The following CDH13 variants were observed in gnomAD, a reference collection of about 807,000 sequenced individuals.
CDH13 encodes cadherin-13.
CDH13 carries 24 observed loss-of-function variants against 63.8 expected under a neutral mutation model. The ratio of observed to expected loss-of-function variants is 0.38; its 90% CI spans 0.27 to 0.53. The LOEUF (loss-of-function observed/expected upper bound fraction) is 0.53. Ranked by LOEUF, CDH13 falls within the 20% of genes least tolerant of loss-of-function variation. The pLI is 0.85. For missense variants in CDH13, 1,049 were observed against 903.1 expected, an observed-to-expected ratio of 1.16 and a Z score of -2.07; for synonymous variants, 503 against 355.3, an observed-to-expected ratio of 1.42 and a Z score of -4.67.
intron 3 of CDH13, among the ~76,000 whole-genome samples, chr16:83,092,408 G>A (rs2033962056): frequency 6.6e-6 from 1 of 152,204 alleles, no homozygotes. Context: ...CATGAGGCAA[G>A]GTCTTAGATG....
rs147613537 is a variant in CDH13, at chr16:83,212,785, T to C, written c.484-4560T>C. ...TGTTAAAGCTCAGATTGCCAGCAAT[T>C]CTCCCCCTACCCTGATTTCTGATAC... On this transcript the variant is annotated intron_variant, in intron 4 of 13. Transcript: ENST00000567109. 5.0e-3 allele frequency among the ~76,000 whole-genome samples: 761 copies of C among 152,194 alleles called. 8 individuals are homozygous for C. The highest frequency in any genetic ancestry group is 0.017 in the African/African-American group (716 of 41,510).
intron 7 of CDH13, among the ~76,000 whole-genome samples, chr16:83,519,704 T>A (rs1272042620): frequency 1.3e-5 from 2 of 152,094 alleles, no homozygotes; most frequent in Non-Finnish European, 2.9e-5. Context: ...CAAGAGATAA[T>A]GAAGGATGCT....
intron 7 of CDH13, among the ~76,000 whole-genome samples, chr16:83,541,473 T>G (rs1386678240): frequency 1.3e-5 from 2 of 152,204 alleles, no homozygotes; most frequent in Non-Finnish European, 2.9e-5. Flanking sequence ...CTCTGTTTGT[T>G]TTCACTCTTG....
At chr16:83,382,956 C>G (rs77598669) in intron 6 of CDH13, 3 of 152,184 alleles carry the variant, frequency 2.0e-5, no homozygotes, top group Non-Finnish European at 4.4e-5. Flanking sequence ...GTGCAGTGTG[C>G]AAGACAGACC....
chr16:82,751,560 A>C (rs1409011873), intron 1 of CDH13, among the ~76,000 whole-genome samples: 1 of 152,124 alleles, frequency 6.6e-6, no homozygotes, highest in African/African-American at 2.4e-5. Flanking sequence ...CATGTAACCC[A>C]CATGCAGAAT....
chr16:83,538,248 T>G (rs905695113), intron 7 of CDH13, among the ~76,000 whole-genome samples: 2 of 152,160 alleles, frequency 1.3e-5, no homozygotes, highest in Non-Finnish European at 2.9e-5. Flanking sequence ...ACAAATACAT[T>G]TATTTCTGGG....
intron 1 of CDH13, among the ~76,000 whole-genome samples, chr16:82,692,301 G>A (rs1238686977): frequency 1.3e-5 from 2 of 152,202 alleles, no homozygotes; most frequent in Admixed American, 6.5e-5. Context: ...TTCTCACCCT[G>A]CTTAGTAAAG....
intron 13 of CDH13, among the ~76,000 whole-genome samples, chr16:83,787,340 CCCTTT>C (rs1915953856): frequency 6.6e-6 from 1 of 152,104 alleles, no homozygotes; most frequent in African/African-American, 2.4e-5. Context: ...TTTTGTACCA[CCCTTT>C]AAAAACGTGA....
Position 82,828,689 on chromosome 16 carries a change from C to CAT in CDH13, c.46-29663_46-29662dup, listed in dbSNP as rs200586101. Among the ~76,000 whole-genome samples, 125 of 149,904 alleles carry CAT rather than the reference C, an allele frequency of 8.3e-4. 2 individuals are homozygous for CAT. In the East Asian group the frequency reaches 0.02, roughly 24 times the overall value. On this transcript the variant is annotated intron_variant, in intron 1 of 13. Transcript: ENST00000567109. ...GTATATATATATATGTATACACAAA[C>CAT]ATATATATATACATATATACACACA... is the stretch of plus-strand genomic sequence containing the variant.
At chr16:83,139,983 C>A (rs981902780) in intron 4 of CDH13, among the ~76,000 whole-genome samples, 9 of 152,150 alleles carry the variant, frequency 5.9e-5, no homozygotes, top group Admixed American at 5.9e-4. Context: ...GCCTGGGCAA[C>A]AAGAGCAAAA....
intron 1 of CDH13, among the ~76,000 whole-genome samples, chr16:82,774,006 A>G (rs948584615): frequency 1.4e-4 from 21 of 152,152 alleles, no homozygotes; most frequent in African/African-American, 4.6e-4. Context: ...GCTGGTCTCA[A>G]TCTCCTGACC....
Position 83,800,382 on chromosome 16 carries a change from A to T in CDH13, c.*5352A>T, listed in dbSNP as rs1904313335. The T allele has an allele frequency of 6.6e-6, 1 of 152,210 alleles. No homozygotes were observed. Among genetic ancestry groups the T allele is most frequent in the Non-Finnish European group, 1.5e-5 (1 of 68,042 alleles). The allele number at this position is 152,210 out of a possible 1,614,324, so 9.4% of individuals were successfully genotyped here. A position where few individuals can be genotyped will look rare whatever the true frequency, so the allele number is the denominator to read the frequency against. ...TGCACATGTCAACACTGTCCTGATG[A>T]CAAAATTTTATGTATCCCCCCAGAT... On this transcript the variant is annotated 3_prime_UTR_variant, in exon 14 of 14. Coordinates refer to ENST00000567109, the MANE Select transcript of CDH13 (RefSeq NM_001257.5).
At chr16:82,818,494 G>C (rs540451761) in intron 1 of CDH13, among the ~76,000 whole-genome samples, 1 of 152,088 alleles carries the variant, frequency 6.6e-6, no homozygotes, top group Non-Finnish European at 1.5e-5. Flanking sequence ...AAAAGAAAAA[G>C]TTACATGAGC....
chr16:83,555,239 C>G (rs2075579663), intron 7 of CDH13, among the ~76,000 whole-genome samples: 1 of 152,158 alleles, frequency 6.6e-6, no homozygotes, highest in African/African-American at 2.4e-5. Context: ...CAGTGGTAAA[C>G]TCAAGCACAG....
intron 6 of CDH13, among the ~76,000 whole-genome samples, chr16:83,460,870 G>A (rs116199194): frequency 0.016 from 2,387 of 150,286 alleles, 57 homozygotes; most frequent in African/African-American, 0.055. Context: ...TGGGCATGGC[G>A]GCCCATGCCT....
At chr16:83,613,742 A>G (rs1333149717) in intron 8 of CDH13, among the ~76,000 whole-genome samples, 1 of 152,146 alleles carries the variant, frequency 6.6e-6, no homozygotes. Flanking sequence ...CTGAGGCACG[A>G]GAATCACTTG....
chr16:83,175,831 T>A (rs1033335284), intron 4 of CDH13, among the ~76,000 whole-genome samples: 2 of 143,854 alleles, frequency 1.4e-5, no homozygotes, highest in African/African-American at 5.2e-5. Flanking sequence ...CTTTTTTTTT[T>A]TTTTTTTTTT....
chr16:83,105,452 C>G (rs922614309), intron 3 of CDH13, among the ~76,000 whole-genome samples: 6 of 152,286 alleles, frequency 3.9e-5, no homozygotes, highest in Admixed American at 2.0e-4. Context: ...GTTTATGAGG[C>G]AATTCGGCTG....
chr16:83,341,648 C>T (rs2090725188), intron 5 of CDH13, among the ~76,000 whole-genome samples: 1 of 152,166 alleles, frequency 6.6e-6, no homozygotes, highest in South Asian at 2.1e-4. Context: ...TTCCCAGGGA[C>T]TCATAGGAAG....
Sources: gnomAD v4.1 joint callset for allele counts (sites outside exome capture counted in the v4.1 genomes callset) on GRCh38, gnomAD v4.1.1 for gene constraint, MANE v1.5 for transcripts, NCBI Gene and HGNC (gene_info 2026-07-23, HGNC 2026-07-21) for gene names.